The following ADCY7 variants were observed in gnomAD, a reference collection of about 807,000 sequenced individuals.
ADCY7 encodes the protein adenylate cyclase 7.
In ADCY7, 72 loss-of-function variants were observed where a neutral mutation model predicts 120.6. That is an observed-to-expected ratio of 0.60 (90% CI 0.49 to 0.73). The LOEUF (loss-of-function observed/expected upper bound fraction) is 0.73, where lower values mean the gene tolerates loss of function less well. Among genes scored for constraint, ADCY7 ranks in the 30% least tolerant of loss-of-function variants. The pLI is 0.00. For synonymous variants in ADCY7, 661 were observed against 628.0 expected (o/e 1.05, Z -0.78); for missense variants, 1,227 against 1,486.0 (o/e 0.83, Z 2.87).
intron 1 of ADCY7, among the ~76,000 whole-genome samples, chr16:50,278,793 C>A (rs1236294540): frequency 2.0e-5 from 3 of 151,856 alleles, no homozygotes; most frequent in Non-Finnish European, 2.9e-5. Flanking sequence ...AAATGCACAT[C>A]TTTCCTGTCC....
At chr16:50,282,679 T>C (rs1196306812) in intron 1 of ADCY7, among the ~76,000 whole-genome samples, 1 of 151,884 alleles carries the variant, frequency 6.6e-6, no homozygotes, top group Non-Finnish European at 1.5e-5. Context: ...ATGAGGGTGA[T>C]AGGGACCCCG....
In ADCY7 at chr16:50,290,646, T is replaced by G; in HGVS notation, c.361T>G (p.Cys121Gly). 3.1e-6 allele frequency: 5 copies of G among 1,613,464 alleles called. No individual in the cohort carries two copies. Among genetic ancestry groups the G allele is most frequent in the Non-Finnish European group, 4.2e-6 (5 of 1,179,566 alleles). Reference sequence around the variant, plus strand: ...GTTCGACGCATGGACAAAGGCGGCCTGTGCGTGGGAGCAGGTAACAGGAAC... The same window carrying G: ...GTTCGACGCATGGACAAAGGCGGCCGGTGCGTGGGAGCAGGTAACAGGAAC... ...LVFDAWTKAACAWEQVPFFLF... is the reference protein window; with the variant it reads ...LVFDAWTKAAGAWEQVPFFLF... Residue 121 changes from cysteine to glycine, a missense_variant, in exon 3 of 26, where the codon TGT becomes GGT. Around this residue, in one of 5 missense-constraint regions of ADCY7, gnomAD observed 382 missense variants for 411.4 expected, o/e 0.93. Transcript: ENST00000673801.
At chr16:50,258,102 A>G (rs980132294) in intron 1 of ADCY7, among the ~76,000 whole-genome samples, 2 of 152,000 alleles carry the variant, frequency 1.3e-5, no homozygotes, top group Non-Finnish European at 2.9e-5. Context: ...GGTGGCATGC[A>G]CTTGTAATGT....
intron 1 of ADCY7, among the ~76,000 whole-genome samples, chr16:50,282,907 CG>C (rs887169533): frequency 2.6e-5 from 4 of 151,784 alleles, no homozygotes; most frequent in African/African-American, 4.8e-5. Context: ...CTTTTTATAG[CG>C]ATGGGGTCTC....
rs752647210 is a variant in ADCY7, at chr16:50,312,030, T to C, written c.2449-6T>C. ...GACGGGGCGCTTATGTTGCTGCCGT[T>C]TGCAGATTGACTATTACTGCCGCTT... On this transcript the variant is annotated splice_polypyrimidine_tract_variant and splice_region_variant and intron_variant, in intron 20 of 25. Coordinates refer to ENST00000673801, the MANE Select transcript of ADCY7 (RefSeq NM_001114.5). 2.5e-6 allele frequency: 4 copies of C among 1,614,048 alleles called. No individual in the cohort carries two copies. The highest frequency in any genetic ancestry group is 2.2e-5 in the East Asian group (1 of 44,880).
intron 19 of ADCY7, among the ~76,000 whole-genome samples, chr16:50,311,220 T>C (rs1265913737): frequency 1.3e-5 from 2 of 152,086 alleles, no homozygotes; most frequent in African/African-American, 4.8e-5. Flanking sequence ...CAGGTGGTGA[T>C]ACCTGAGGCT....
intron 18 of ADCY7, 47 bp from the exon 19 acceptor site, chr16:50,310,640 G>A (rs766400818): frequency 6.2e-7 from 1 of 1,606,906 alleles, no homozygotes; most frequent in Non-Finnish European, 8.5e-7. Flanking sequence ...GGAGGCGAGA[G>A]TACGTGGTGG....
chr16:50,308,287 A>T (rs2036212739), intron 15 of ADCY7, 40 bp from the exon 16 acceptor site: 1 of 1,613,964 alleles, frequency 6.2e-7, no homozygotes, highest in Non-Finnish European at 8.5e-7. Context: ...TCCTGGGCAG[A>T]AGGCCCTAGG....
intron 1 of ADCY7, among the ~76,000 whole-genome samples, chr16:50,270,277 C>G (rs899676579): frequency 1.3e-5 from 2 of 152,168 alleles, no homozygotes; most frequent in Non-Finnish European, 2.9e-5. Context: ...TTAGTTGGAA[C>G]TGGAGAATGA....
intron 1 of ADCY7, among the ~76,000 whole-genome samples, chr16:50,268,634 G>T (rs188636301): frequency 1.7e-3 from 260 of 152,290 alleles, no homozygotes; most frequent in African/African-American, 2.3e-3. Context: ...GAGGGTGAAG[G>T]TGGTATTGCA....
intron 1 of ADCY7, among the ~76,000 whole-genome samples, chr16:50,267,119 A>C (rs548340063): frequency 8.2e-4 from 125 of 152,328 alleles, no homozygotes; most frequent in Middle Eastern, 3.4e-3. Context: ...TAAAACAAAA[A>C]ACAAACAAAA....
intron 19 of ADCY7, among the ~76,000 whole-genome samples, 165 bp from the exon 20 acceptor site, chr16:50,311,528 C>T (rs12932721): frequency 6.6e-6 from 1 of 152,058 alleles, no homozygotes; most frequent in African/African-American, 2.4e-5. Flanking sequence ...CTGCCCACCT[C>T]TCCCCTCCCC....
At chr16:50,250,599 TC>T (rs1356407828) in intron 1 of ADCY7, among the ~76,000 whole-genome samples, 1 of 147,558 alleles carries the variant, frequency 6.8e-6, no homozygotes, top group South Asian at 2.2e-4. Flanking sequence ...TGAAACTCTG[TC>T]TCTATTTTTA....
At chr16:50,281,580 A>G (rs1476066571) in intron 1 of ADCY7, among the ~76,000 whole-genome samples, 1 of 152,208 alleles carries the variant, frequency 6.6e-6, no homozygotes, top group East Asian at 1.9e-4. Flanking sequence ...TGCCAGGACC[A>G]GCTGCGGGAC....
At position 50,291,723 on chromosome 16, in the gene ADCY7, G is replaced by T; in HGVS notation, c.376-13G>T. 6.2e-7 allele frequency: 1 copy of T among 1,613,926 alleles called. No homozygotes were observed. The highest frequency in any genetic ancestry group is 1.1e-5 in the South Asian group (1 of 91,070). On this transcript the variant is annotated splice_polypyrimidine_tract_variant and intron_variant, in intron 3 of 25. Coordinates refer to ENST00000673801, the MANE Select transcript of ADCY7 (RefSeq NM_001114.5). ...CATCTTGGGGCACCGGGCTCACCAG[G>T]CTGCATCCACAGGTGCCCTTCTTCC...
intron 10 of ADCY7, among the ~76,000 whole-genome samples, chr16:50,302,243 TC>T (rs2035776423): frequency 6.6e-6 from 1 of 152,250 alleles, no homozygotes; most frequent in Non-Finnish European, 1.5e-5. Flanking sequence ...TGCTTGTTTA[TC>T]CATTTTCCTT....
intron 1 of ADCY7, among the ~76,000 whole-genome samples, chr16:50,248,920 C>T (rs1260277973): frequency 1.3e-5 from 2 of 152,208 alleles, no homozygotes; most frequent in Non-Finnish European, 2.9e-5. Context: ...AGCTTCATGT[C>T]ACCTCTTCCG....
chr16:50,281,153 T>G (rs1163505841), intron 1 of ADCY7, among the ~76,000 whole-genome samples: 1 of 152,232 alleles, frequency 6.6e-6, no homozygotes, highest in Non-Finnish European at 1.5e-5. Flanking sequence ...CCTCTGACAC[T>G]AAGCGTGCCT....
chr16:50,293,279 C>A (rs1055297776), intron 5 of ADCY7, 75 bp from the exon 6 acceptor site: 14 of 1,542,566 alleles, frequency 9.1e-6, no homozygotes, highest in Non-Finnish European at 1.2e-5. Flanking sequence ...CCTGATGCTA[C>A]CCTGCCTGTC....
Sources: gnomAD v4.1 joint callset for allele counts (sites outside exome capture counted in the v4.1 genomes callset) on GRCh38, gnomAD v4.1.1 for gene constraint, gnomAD v4.1.1 regional missense constraint, MANE v1.5 for transcripts, NCBI Gene and HGNC (gene_info 2026-07-23, HGNC 2026-07-21) for gene names.